Variants in ARHGAP35 observed in about 807,000 individuals in gnomAD.
ARHGAP35 encodes Rho GTPase activating protein 35.
A neutral mutation model predicts 111.1 loss-of-function variants in ARHGAP35; 15 were observed. The observed-to-expected ratio is 0.13, with a 90% confidence interval of 0.09 to 0.21. The LOEUF (loss-of-function observed/expected upper bound fraction) is 0.21, where lower values mean the gene tolerates loss of function less well. ARHGAP35 is among the 10% of genes least tolerant of loss of function. The pLI is 1.00. For missense variants in ARHGAP35, 1,262 were observed against 1,873.0 expected (o/e 0.67, Z 6.02); for synonymous variants, 643 against 710.3 (o/e 0.91, Z 1.51).
chr19:46,879,395 C>T (rs550637297), intron 1 of ARHGAP35, among the ~76,000 whole-genome samples: 40 of 151,936 alleles, frequency 2.6e-4, no homozygotes, highest in African/African-American at 6.8e-4. Flanking sequence ...GAGACCATCC[C>T]GGCTAACATG....
At chr19:46,914,320 C>T (rs1163192458) in intron 1 of ARHGAP35, among the ~76,000 whole-genome samples, 1 of 152,114 alleles carries the variant, frequency 6.6e-6, no homozygotes, top group African/African-American at 2.4e-5. Context: ...AAATAACAGT[C>T]GTGGCTGGGC....
rs903842847 is a variant in ARHGAP35 at position 46,992,397 on chromosome 19, C to A, written c.4036+2722C>A. On this transcript the variant is annotated intron_variant, in intron 5 of 6. Coordinates refer to ENST00000672722, the MANE Select transcript of ARHGAP35 (RefSeq NM_004491.5). The surrounding 1 kb of genome is among the most constrained non-coding windows in gnomAD (Gnocchi z 4.4). ...AGTGCACAAACCCCAGCAAGGAAGG[C>A]GCGAGGAAGAGGGCTTCACAGGGGA... Among the ~76,000 whole-genome samples the A allele has an allele frequency of 1.3e-5, 2 of 152,112 alleles. No homozygotes were observed. The highest frequency in any genetic ancestry group is 4.1e-4 in the South Asian group (2 of 4,820).
At chr19:46,877,109 C>T (rs534608598) in intron 1 of ARHGAP35, among the ~76,000 whole-genome samples, 7 of 151,524 alleles carry the variant, frequency 4.6e-5, no homozygotes, top group African/African-American at 1.2e-4. Context: ...ATTAGTCAGG[C>T]GTGGTGGCGC....
In ARHGAP35 at chr19:46,988,236, G is replaced by GA; in HGVS notation, c.3904+171dup. 1 of 641,388 alleles carries GA rather than the reference G, an allele frequency of 1.6e-6. No homozygotes were observed. The highest frequency in any genetic ancestry group is 2.7e-6 in the Non-Finnish European group (1 of 369,892). 39.7% of individuals were successfully genotyped at this position (641,388 alleles called of 1,614,324 possible). A position where few individuals can be genotyped will look rare whatever the true frequency, so the allele number is the denominator to read the frequency against. On this transcript the variant is annotated intron_variant, in intron 4 of 6. Transcript: ENST00000672722. This position sits in a 1 kb window ranked among gnomAD's most constrained non-coding sequence, Gnocchi z 5.4. The stretch of plus-strand genomic sequence containing the variant: ...TGTGTGGCTGCAGCGGGGAGGAGGG[G>GA]ACCGGGTCCTGTCAGTGAACCGAAG...
In ARHGAP35 at chr19:46,992,417, A is replaced by G. The variant is rs1009074548; in HGVS notation, c.4036+2742A>G. Among the ~76,000 whole-genome samples, 10 of 152,170 alleles carry G rather than the reference A, an allele frequency of 6.6e-5. No homozygotes were observed. Among genetic ancestry groups the G allele is most frequent in the African/African-American group, 9.7e-5 (4 of 41,446 alleles). ...GAAGGCGCGAGGAAGAGGGCTTCAC[A>G]GGGGAGATGGGCCAGGGTTTCAGGA... On this transcript the variant is annotated intron_variant, in intron 5 of 6. Transcript: ENST00000672722. This position sits in a 1 kb window ranked among gnomAD's most constrained non-coding sequence, Gnocchi z 4.4.
At chr19:46,861,690 C>T (rs190914917) in intron 1 of ARHGAP35, among the ~76,000 whole-genome samples, 108 of 152,222 alleles carry the variant, frequency 7.1e-4, no homozygotes, top group African/African-American at 2.5e-3. Context: ...GCTTCTCCCT[C>T]TTCTCGATTC....
chr19:46,969,415 G>A (rs1167916901), intron 3 of ARHGAP35, among the ~76,000 whole-genome samples: 3 of 152,170 alleles, frequency 2.0e-5, no homozygotes, highest in South Asian at 2.1e-4. Context: ...TCTTTTTGAG[G>A]TGGGTCCTTG....
intron 2 of ARHGAP35, among the ~76,000 whole-genome samples, chr19:46,929,231 G>C (rs549915913): frequency 6.6e-6 from 1 of 152,202 alleles, no homozygotes; most frequent in Non-Finnish European, 1.5e-5. Context: ...GAGCCCAGAA[G>C]GGGGAGCACC....
chr19:46,932,347 C>G (rs917713470), intron 2 of ARHGAP35, among the ~76,000 whole-genome samples: 1 of 152,164 alleles, frequency 6.6e-6, no homozygotes, highest in Admixed American at 6.6e-5. Flanking sequence ...TTGAATTCCT[C>G]TGGCTAGATG....
At chr19:46,957,005 G>A (rs1599845748) in intron 3 of ARHGAP35, among the ~76,000 whole-genome samples, 1 of 140,326 alleles carries the variant, frequency 7.1e-6, no homozygotes, top group East Asian at 2.0e-4. Context: ...TGTCGCCCAG[G>A]GTGGAGCACA....
At chr19:46,938,696 T>C (rs1396140582) in intron 3 of ARHGAP35, among the ~76,000 whole-genome samples, 1 of 151,024 alleles carries the variant, frequency 6.6e-6, no homozygotes, top group African/African-American at 2.4e-5. Context: ...TCTCTCTCTG[T>C]TGCCAAGCTG....
At chr19:46,978,552 T>TGG (rs2056592242) in intron 3 of ARHGAP35, among the ~76,000 whole-genome samples, 1 of 96,754 alleles carries the variant, frequency 1.0e-5, no homozygotes, top group Non-Finnish European at 2.1e-5. Flanking sequence ...GTGTGTGTGG[T>TGG]GAGGTGTGTG....
At chr19:46,906,450 G>T (rs2056108304) in intron 1 of ARHGAP35, among the ~76,000 whole-genome samples, 1 of 152,218 alleles carries the variant, frequency 6.6e-6, no homozygotes, top group East Asian at 1.9e-4. Flanking sequence ...CTTCTCTCTT[G>T]CTATGCAGCC....
chr19:46,878,239 T>G (rs1486095024), intron 1 of ARHGAP35, among the ~76,000 whole-genome samples: 1 of 152,106 alleles, frequency 6.6e-6, no homozygotes, highest in Non-Finnish European at 1.5e-5. Context: ...ACCAGGCTGG[T>G]CTCAAACTCC....
rs188935064 is a variant in ARHGAP35, at chr19:46,901,922, G to A, written c.-188-16566G>A. On this transcript the variant is annotated intron_variant, in intron 1 of 6. Transcript: ENST00000672722. This position sits in a 1 kb window ranked among gnomAD's most constrained non-coding sequence, Gnocchi z 4.5. ...ATCTGTGTATGCTTTCCCTCCCCCT[G>A]CAAGATTTAATGACCTAGCCAGGAG... 1.3e-5 allele frequency among the ~76,000 whole-genome samples: 2 copies of A among 152,260 alleles called. No individual in the cohort carries two copies. Among genetic ancestry groups the A allele is most frequent in the Non-Finnish European group, 2.9e-5 (2 of 68,012 alleles).
Position 46,919,090 on chromosome 19 carries a change from C to G in ARHGAP35, c.415C>G (p.Leu139Val). ...ACTCATGTACTTTTGCACTGACCAG[C>G]TGGGGCTGGAGCAGGACTTTGAGCA... is the stretch of plus-strand genomic sequence containing the variant. ...EKLMYFCTDQLGLEQDFEQKQ... is the reference protein window; with the variant it reads ...EKLMYFCTDQVGLEQDFEQKQ... The change falls in exon 2 of 7, where the codon CTG becomes GTG. Residue 139 changes from leucine to valine, a missense_variant. Physicochemically the swap from Leu to Val is conservative, Grantham distance 32 (BLOSUM62 1). Coordinates refer to ENST00000672722, the MANE Select transcript of ARHGAP35 (RefSeq NM_004491.5). This position sits in a 1 kb window ranked among gnomAD's most constrained non-coding sequence, Gnocchi z 6.2. 1 of 1,614,006 alleles carries G rather than the reference C, an allele frequency of 6.2e-7. No homozygotes were observed. The highest frequency in any genetic ancestry group is 8.5e-7 in the Non-Finnish European group (1 of 1,179,882).
At chr19:46,940,314 G>A (rs928972533) in intron 3 of ARHGAP35, among the ~76,000 whole-genome samples, 4 of 148,810 alleles carry the variant, frequency 2.7e-5, no homozygotes, top group East Asian at 2.0e-4. Context: ...AGCCAAGATC[G>A]CACCATTGCA....
chr19:46,869,238 T>A (rs1002176587), intron 1 of ARHGAP35, among the ~76,000 whole-genome samples: 4 of 152,170 alleles, frequency 2.6e-5, no homozygotes, highest in East Asian at 1.9e-4. Context: ...TTTTGCATTT[T>A]AAAAAAATGT....
intron 1 of ARHGAP35, among the ~76,000 whole-genome samples, chr19:46,872,220 G>A (rs2055891468): frequency 6.6e-6 from 1 of 151,798 alleles, no homozygotes; most frequent in South Asian, 2.1e-4. Context: ...ATTAAATGTG[G>A]GAAAAAATAG....
Sources: gnomAD v4.1 joint callset for allele counts (sites outside exome capture counted in the v4.1 genomes callset) on GRCh38, gnomAD v4.1.1 for gene constraint, Gnocchi (gnomAD v3.1) non-coding constraint, MANE v1.5 for transcripts, NCBI Gene and HGNC (gene_info 2026-07-23, HGNC 2026-07-21) for gene names.